The following CERS4 variants were observed in gnomAD, a reference collection of about 807,000 sequenced individuals.
CERS4 encodes LAG1 homolog, ceramide synthase 4.
CERS4 carries 65 observed loss-of-function variants against 51.8 expected under a neutral mutation model. That is an observed-to-expected ratio of 1.26 (90% CI 1.03 to 1.54). The LOEUF (loss-of-function observed/expected upper bound fraction) is 1.54. Ranked by LOEUF, CERS4 falls within the 40% of genes most tolerant of loss-of-function variation. The pLI, the probability that CERS4 is intolerant of heterozygous loss-of-function variation, is 0.00. For synonymous variants in CERS4, 228 were observed against 208.4 expected (o/e 1.09, Z -0.81); for missense variants, 563 against 500.4 (o/e 1.13, Z -1.19).
At chr19:8,232,066 G>A (rs367964207) in intron 2 of CERS4, among the ~76,000 whole-genome samples, 218 of 150,368 alleles carry the variant, frequency 1.4e-3, no homozygotes, top group African/African-American at 5.1e-3. Context: ...CTAGCCTCAA[G>A]TAATCCTCCC....
At chr19:8,223,899 G>C (rs1219236174) in intron 2 of CERS4, among the ~76,000 whole-genome samples, 5 of 151,250 alleles carry the variant, frequency 3.3e-5, no homozygotes, top group Non-Finnish European at 4.4e-5. Context: ...AGGAGTTCGA[G>C]ACCAGCCTGA....
At position 8,257,998 on chromosome 19, in the gene CERS4, T is replaced by G. The variant is rs753145380; in HGVS notation, c.848+13T>G. 3 of 1,598,588 alleles carry G rather than the reference T, an allele frequency of 1.9e-6. No individual in the cohort carries two copies. The highest frequency in any genetic ancestry group is 2.6e-6 in the Non-Finnish European group (3 of 1,166,410). The stretch of plus-strand genomic sequence containing the variant: ...TCTTTCCCACCCAGTGAGTCAGCCC[T>G]CCCATGGGGGTCAGGGAGGTGGGAG... On this transcript the variant is annotated intron_variant, in intron 10 of 11. Coordinates refer to ENST00000251363, the MANE Select transcript of CERS4 (RefSeq NM_024552.3).
At chr19:8,257,259 G>A (rs1004925183) in intron 9 of CERS4, 182 bp downstream of exon 9, 12 of 627,476 alleles carry the variant, frequency 1.9e-5, no homozygotes, top group South Asian at 6.6e-5. Flanking sequence ...CACCCCCTCT[G>A]TCTTCCTGGG....
chr19:8,256,895 G>A (rs1969416396), intron 8 of CERS4, 54 bp from the exon 9 acceptor site: 1 of 1,612,812 alleles, frequency 6.2e-7, no homozygotes, highest in Non-Finnish European at 8.5e-7. Flanking sequence ...CCATAGGGTG[G>A]GGGACCTTCC....
At chr19:8,241,972 C>T (rs1376824932) in intron 2 of CERS4, among the ~76,000 whole-genome samples, 1 of 152,182 alleles carries the variant, frequency 6.6e-6, no homozygotes, top group Non-Finnish European at 1.5e-5. Flanking sequence ...AGCCTCATTT[C>T]CTCCCTTCCC....
Position 8,217,571 on chromosome 19 carries a change from C to G in CERS4, c.-2+6709C>G, listed in dbSNP as rs548222470. Among the ~76,000 whole-genome samples the G allele has an allele frequency of 2.0e-5, 3 of 148,744 alleles. No individual in the cohort carries two copies. The South Asian group carries it at 6.4e-4, about 32-fold the overall frequency. Reference sequence around the variant, plus strand: ...TTTTTTTTTGAGATGGAGTCTCGCTCTTTCACCCAGGCTGGAGTGCAGTGA... The same window carrying G: ...TTTTTTTTTGAGATGGAGTCTCGCTGTTTCACCCAGGCTGGAGTGCAGTGA... On this transcript the variant is annotated intron_variant, in intron 2 of 11. Coordinates refer to ENST00000251363, the MANE Select transcript of CERS4 (RefSeq NM_024552.3).
At chr19:8,217,174 C>T (rs1309773036) in intron 2 of CERS4, among the ~76,000 whole-genome samples, 1 of 152,032 alleles carries the variant, frequency 6.6e-6, no homozygotes, top group African/African-American at 2.4e-5. Context: ...GTCAGGACCC[C>T]TCTGAAAAGG....
chr19:8,225,033 T>G (rs1028986770), intron 2 of CERS4: 2 of 152,522 alleles, frequency 1.3e-5, no homozygotes, highest in African/African-American at 2.4e-5. Flanking sequence ...GATGGTGACC[T>G]GGGAGCAGCA....
intron 4 of CERS4, among the ~76,000 whole-genome samples, chr19:8,255,384 C>A (rs75148616): frequency 6.6e-6 from 1 of 152,236 alleles, no homozygotes; most frequent in Admixed American, 6.5e-5. Context: ...TCCCCGTCAG[C>A]GACCTGCCTG....
At chr19:8,233,941 G>A (rs568360897) in intron 2 of CERS4, among the ~76,000 whole-genome samples, 1 of 150,434 alleles carries the variant, frequency 6.6e-6, no homozygotes, top group African/African-American at 2.5e-5. Context: ...GACCACTTGA[G>A]CCTGGGTGGT....
chr19:8,254,298 G>A (rs374429649), intron 3 of CERS4, among the ~76,000 whole-genome samples: 1 of 129,476 alleles, frequency 7.7e-6, no homozygotes, highest in East Asian at 2.2e-4. Context: ...ACTCCAGCCT[G>A]GGTGACAGTG....
Position 8,209,445 on chromosome 19 carries a change from C to CCCCAG in CERS4, c.-204_-200dup, listed in dbSNP as rs1966996622. ...CCGGGTAGCCCGCTAGGCGCGCCGT[C>CCCCAG]CCCAGCCCCGCCGCCGGCCCTCGGT... On this transcript the variant is annotated 5_prime_UTR_variant, in exon 1 of 12. Coordinates refer to ENST00000251363, the MANE Select transcript of CERS4 (RefSeq NM_024552.3). 1.3e-5 allele frequency: 2 copies of CCCCAG among 151,474 alleles called. No homozygotes were observed. The highest frequency in any genetic ancestry group is 4.1e-4 in the South Asian group (2 of 4,844). 9.4% of individuals were successfully genotyped at this position (151,474 alleles called of 1,614,324 possible).
At position 8,258,487 on chromosome 19, in the gene CERS4, T is replaced by G. The variant is rs540896147; in HGVS notation, c.848+502T>G. ...ACTTTGGGAGGCTGAGGCGGGCGGG[T>G]CACTTGAGGTCAGGAGTTCCAGACC... is the stretch of plus-strand genomic sequence containing the variant. On this transcript the variant is annotated intron_variant, in intron 10 of 11. Coordinates refer to ENST00000251363, the MANE Select transcript of CERS4 (RefSeq NM_024552.3). Among the ~76,000 whole-genome samples, 9 of 151,914 alleles carry G rather than the reference T, an allele frequency of 5.9e-5. 1 individual carries two copies. In the South Asian group the frequency reaches 1.7e-3, roughly 28 times the overall value.
At position 8,259,113 on chromosome 19, in the gene CERS4, G is replaced by A. The variant is rs189994343; in HGVS notation, c.848+1128G>A. ...CACACCACTGCACTCCAGCCTGGGC[G>A]ACAGAGCAAGACTCTGTCTCTAAAT... On this transcript the variant is annotated intron_variant, in intron 10 of 11. Coordinates refer to ENST00000251363, the MANE Select transcript of CERS4 (RefSeq NM_024552.3). 6.4e-4 allele frequency among the ~76,000 whole-genome samples: 97 copies of A among 152,282 alleles called. 1 individual carries two copies. Among genetic ancestry groups the A allele is most frequent in the African/African-American group, 2.1e-3 (87 of 41,570 alleles).
intron 2 of CERS4, among the ~76,000 whole-genome samples, chr19:8,222,959 C>T (rs181924800): frequency 1.9e-4 from 29 of 152,166 alleles, no homozygotes; most frequent in Admixed American, 9.2e-4. Context: ...TTTGTGCAGT[C>T]GGTGGACAGT....
intron 2 of CERS4, among the ~76,000 whole-genome samples, chr19:8,239,006 C>T (rs992904421): frequency 4.6e-5 from 7 of 151,890 alleles, no homozygotes; most frequent in Admixed American, 1.3e-4. Flanking sequence ...AAGGCTGAGG[C>T]GGGAGGATCA....
Position 8,262,261 on chromosome 19 carries a change from T to G in CERS4, c.*152T>G. On this transcript the variant is annotated 3_prime_UTR_variant, in exon 12 of 12. Coordinates refer to ENST00000251363, the MANE Select transcript of CERS4 (RefSeq NM_024552.3). Reference sequence around the variant, plus strand: ...AGGCTGATGATCTGTCTCCAGCCCCTTCCTTCTGCCCACCCACCCTTCTTC... The same window carrying G: ...AGGCTGATGATCTGTCTCCAGCCCCGTCCTTCTGCCCACCCACCCTTCTTC... 1 of 767,548 alleles carries G rather than the reference T, an allele frequency of 1.3e-6. No individual in the cohort carries two copies. The allele number at this position is 767,548 out of a possible 1,614,324, so 47.5% of individuals were successfully genotyped here.
At position 8,261,861 on chromosome 19, in the gene CERS4, C is replaced by G; in HGVS notation, c.1005+17C>G. On this transcript the variant is annotated intron_variant, in intron 11 of 11. Transcript: ENST00000251363. ...AAGGGCCAGGTATGGCTGGACCTCC[C>G]CGGGGGCCCCAGCCCTAAGCTCCTC... 1.2e-6 allele frequency: 2 copies of G among 1,613,904 alleles called. No homozygotes were observed. Among genetic ancestry groups the G allele is most frequent in the South Asian group, 2.2e-5 (2 of 91,080 alleles).
intron 2 of CERS4, among the ~76,000 whole-genome samples, chr19:8,211,280 G>T (rs112658626): frequency 6.6e-6 from 1 of 152,124 alleles, no homozygotes; most frequent in Admixed American, 6.6e-5. Flanking sequence ...CCTCCCACCC[G>T]TGGGATGGCA....
Sources: allele counts gnomAD v4.1 joint callset (sites outside exome capture counted in the v4.1 genomes callset), GRCh38; gene constraint gnomAD v4.1.1; transcripts MANE v1.5; gene names NCBI Gene and HGNC (gene_info 2026-07-23, HGNC 2026-07-21).